KIRREL3: variants seen among roughly 807,000 people sequenced by gnomAD.
The protein encoded by KIRREL3 is kin of IRRE-like protein 3.
Under a neutral mutation model 89.7 loss-of-function variants are expected in KIRREL3, and 36 were observed. The observed-to-expected ratio is 0.40, with a 90% CI of 0.31 to 0.53. The LOEUF (loss-of-function observed/expected upper bound fraction) is 0.53, where lower values mean the gene tolerates loss of function less well. Ranked by LOEUF, KIRREL3 falls within the 20% of genes least tolerant of loss-of-function variation. The pLI is 0.49. For missense variants in KIRREL3, 864 were observed against 1,056.6 expected (o/e 0.82, Z 2.53); for synonymous variants, 445 against 441.4 (o/e 1.01, Z -0.10).
At position 126,665,976 on chromosome 11, in the gene KIRREL3, T is replaced by TA. The variant is rs1290652181; in HGVS notation, c.56-103065dup. Among the ~76,000 whole-genome samples the TA allele has an allele frequency of 3.9e-5, 6 of 152,254 alleles. No homozygotes were observed. In the East Asian group the frequency reaches 9.6e-4, roughly 24 times the overall value. On this transcript the variant is annotated intron_variant, in intron 1 of 16. Transcript: ENST00000525144. ...ATACAAACTTAGAGTAGTTTATACTTATACTGTGTCAGTCTAAAGCGTTGT... is the reference window on the plus strand; with the variant it reads ...ATACAAACTTAGAGTAGTTTATACTTAATACTGTGTCAGTCTAAAGCGTTGT...
chr11:126,456,861 C>T (rs991101016), intron 6 of KIRREL3, among the ~76,000 whole-genome samples: 6 of 152,228 alleles, frequency 3.9e-5, no homozygotes, highest in Non-Finnish European at 8.8e-5. Flanking sequence ...TTTATTATCT[C>T]TTTTCCGTAA....
intron 1 of KIRREL3, among the ~76,000 whole-genome samples, chr11:126,852,852 G>A (rs1309198686): frequency 6.6e-6 from 1 of 152,178 alleles, no homozygotes; most frequent in Non-Finnish European, 1.5e-5. Context: ...GAAGGCAGGT[G>A]GACTCCCTGA....
rs926720696 is a variant in KIRREL3, at chr11:126,641,410, T to G, written c.56-78498A>C. 1.3e-5 allele frequency among the ~76,000 whole-genome samples: 2 copies of G among 151,836 alleles called. No individual in the cohort carries two copies. The highest frequency in any genetic ancestry group is 2.4e-5 in the African/African-American group (1 of 41,316). On this transcript the variant is annotated intron_variant, in intron 1 of 16. Transcript: ENST00000525144. The surrounding 1 kb of genome is among the most constrained non-coding windows in gnomAD (Gnocchi z 5.0). ...GTCACAAAGCTACTTGCCACTCTCA[T>G]CAGATCAGGGTGCAGGGTGTCATGA...
Position 126,521,233 on chromosome 11 carries a change from T to C in KIRREL3, c.433+82A>G, listed in dbSNP as rs868398671. On this transcript the variant is annotated intron_variant, in intron 4 of 16. Transcript: ENST00000525144. This position sits in a 1 kb window ranked among gnomAD's most constrained non-coding sequence, Gnocchi z 4.1. ...ATCCCCAGAGGGGAGTCTCCCCATG[T>C]CTGACCAAAAAAATACCCTCTTGGA... 1.4e-5 allele frequency: 20 copies of C among 1,413,620 alleles called. No individual in the cohort carries two copies. Among genetic ancestry groups the C allele is most frequent in the Middle Eastern group, 2.4e-4 (1 of 4,114 alleles). The allele number at this position is 1,413,620 out of a possible 1,614,324, so 87.6% of individuals were successfully genotyped here.
rs1186797291 is a variant in KIRREL3, at chr11:126,652,290, G to A, written c.56-89378C>T. 1.3e-5 allele frequency among the ~76,000 whole-genome samples: 2 copies of A among 152,074 alleles called. No homozygotes were observed. The highest frequency in any genetic ancestry group is 2.9e-5 in the Non-Finnish European group (2 of 68,020). On this transcript the variant is annotated intron_variant, in intron 1 of 16. Coordinates refer to ENST00000525144, the MANE Select transcript of KIRREL3 (RefSeq NM_032531.4). The surrounding 1 kb of genome is among the most constrained non-coding windows in gnomAD (Gnocchi z 4.9). ...CCACTGGCCAAAAAGCCCGGGTTGGGGTCTCTGTGGGTTGATGGATATAAA... is the reference window on the plus strand; with the variant it reads ...CCACTGGCCAAAAAGCCCGGGTTGGAGTCTCTGTGGGTTGATGGATATAAA...
At chr11:126,964,450 G>A (rs1047287695) in intron 1 of KIRREL3, among the ~76,000 whole-genome samples, 1 of 152,148 alleles carries the variant, frequency 6.6e-6, no homozygotes, top group Non-Finnish European at 1.5e-5. Flanking sequence ...AGTTTGCCTA[G>A]TCTGCACTTT....
chr11:126,635,887 A>G lies in KIRREL3; in HGVS notation c.56-72975T>C, dbSNP rs1944247503. ...ACATCCTCTTTGTTTCTCATTCCCA[A>G]TATGAAAATAACAAACCATTCTAGG... On this transcript the variant is annotated intron_variant, in intron 1 of 16. Coordinates refer to ENST00000525144, the MANE Select transcript of KIRREL3 (RefSeq NM_032531.4). The surrounding 1 kb of genome is among the most constrained non-coding windows in gnomAD (Gnocchi z 4.0). Among the ~76,000 whole-genome samples the G allele has an allele frequency of 6.6e-6, 1 of 152,156 alleles. No individual in the cohort carries two copies. The highest frequency in any genetic ancestry group is 2.4e-5 in the African/African-American group (1 of 41,434).
rs1169711226 is a variant in KIRREL3 at position 126,565,949 on chromosome 11, A to G, written c.56-3037T>C. ...AAGAACAGGAATCTCTCTCTTTGTG[A>G]GGTAGATCAGCCACCACCAGACTGT... On this transcript the variant is annotated intron_variant, in intron 1 of 16. Transcript: ENST00000525144. The surrounding 1 kb of genome is among the most constrained non-coding windows in gnomAD (Gnocchi z 5.4). 1.3e-5 allele frequency among the ~76,000 whole-genome samples: 2 copies of G among 152,138 alleles called. No individual in the cohort carries two copies. Among genetic ancestry groups the G allele is most frequent in the Non-Finnish European group, 2.9e-5 (2 of 68,018 alleles).
intron 6 of KIRREL3, among the ~76,000 whole-genome samples, chr11:126,458,995 G>T (rs1264169389): frequency 1.3e-5 from 2 of 152,172 alleles, no homozygotes; most frequent in Admixed American, 1.3e-4. Context: ...AGAGAACATG[G>T]ACACTCAGGG....
At chr11:126,760,659 G>A (rs775050783) in intron 1 of KIRREL3, among the ~76,000 whole-genome samples, 10 of 152,180 alleles carry the variant, frequency 6.6e-5, no homozygotes, top group Admixed American at 3.3e-4. Flanking sequence ...GGATCTGCAG[G>A]AGTTGAGAGG....
intron 1 of KIRREL3, among the ~76,000 whole-genome samples, chr11:126,787,379 A>G (rs1300615818): frequency 1.3e-5 from 2 of 152,234 alleles, no homozygotes; most frequent in African/African-American, 4.8e-5. Context: ...CATAATTTAA[A>G]TCATTGCCAA....
chr11:126,482,474 A>C (rs1047891882), intron 4 of KIRREL3, among the ~76,000 whole-genome samples: 1 of 152,248 alleles, frequency 6.6e-6, no homozygotes, highest in Non-Finnish European at 1.5e-5. Context: ...TTTGTAAAAT[A>C]TGAATTAAAA....
chr11:126,972,889 C>T (rs938034959), intron 1 of KIRREL3, among the ~76,000 whole-genome samples: 9 of 151,994 alleles, frequency 5.9e-5, no homozygotes, highest in South Asian at 4.1e-4. Context: ...TTTCCGCCAT[C>T]GTGCACATAA....
chr11:126,659,629 C>T (rs1259011401), intron 1 of KIRREL3, among the ~76,000 whole-genome samples: 1 of 152,140 alleles, frequency 6.6e-6, no homozygotes, highest in Non-Finnish European at 1.5e-5. Flanking sequence ...CATGAAAAGG[C>T]GAACATTCAC....
chr11:126,836,860 T>C (rs1943798959), intron 1 of KIRREL3, among the ~76,000 whole-genome samples: 1 of 152,228 alleles, frequency 6.6e-6, no homozygotes, highest in South Asian at 2.1e-4. Flanking sequence ...CATGACATCC[T>C]GTGCCTGACT....
rs1309216718 is a variant in KIRREL3, at chr11:126,946,493, C to CAGAAT, written c.55+53961_55+53962insATTCT. 4.6e-5 allele frequency among the ~76,000 whole-genome samples: 7 copies of CAGAAT among 152,210 alleles called. No homozygotes were observed. Among genetic ancestry groups the CAGAAT allele is most frequent in the African/African-American group, 1.4e-4 (6 of 41,450 alleles). ...CTAATACAAATGCCCATAAAATCTA[C>CAGAAT]AGACTAGACTAGATGTTAAGTAAGG... On this transcript the variant is annotated intron_variant, in intron 1 of 16. Coordinates refer to ENST00000525144, the MANE Select transcript of KIRREL3 (RefSeq NM_032531.4). This position sits in a 1 kb window ranked among gnomAD's most constrained non-coding sequence, Gnocchi z 4.1.
intron 1 of KIRREL3, among the ~76,000 whole-genome samples, chr11:126,595,802 G>C (rs890657475): frequency 7.9e-5 from 12 of 152,236 alleles, no homozygotes; most frequent in African/African-American, 2.7e-4. Flanking sequence ...AAAGCCTCCA[G>C]GTGACCAGCA....
rs673969 is a variant in KIRREL3 at position 126,614,787 on chromosome 11, C to T, written c.56-51875G>A. Among the ~76,000 whole-genome samples the T allele has an allele frequency of 2.0e-5, 3 of 152,128 alleles. No individual in the cohort carries two copies. The highest frequency in any genetic ancestry group is 4.4e-5 in the Non-Finnish European group (3 of 68,020). On this transcript the variant is annotated intron_variant, in intron 1 of 16. Transcript: ENST00000525144. The surrounding 1 kb of genome is among the most constrained non-coding windows in gnomAD (Gnocchi z 4.6). ...TCCGCTGGGAGACTCTGGGGAGATC[C>T]TGAATGGAATTGAATTTCTCTTAGT... is the stretch of plus-strand genomic sequence containing the variant.
intron 1 of KIRREL3, among the ~76,000 whole-genome samples, chr11:126,885,664 A>G (rs975988089): frequency 6.6e-4 from 100 of 152,296 alleles, no homozygotes; most frequent in Non-Finnish European, 1.1e-3. Flanking sequence ...TAATTCTTTC[A>G]TGGTTACTGG....
Sources: allele counts gnomAD v4.1 joint callset (sites outside exome capture counted in the v4.1 genomes callset), GRCh38; gene constraint gnomAD v4.1.1; non-coding constraint Gnocchi (gnomAD v3.1); transcripts MANE v1.5; gene names NCBI Gene and HGNC (gene_info 2026-07-23, HGNC 2026-07-21).